The following LPAR3 variants were observed in gnomAD, a reference collection of about 807,000 sequenced individuals.
LPAR3 encodes LPA receptor 3.
A neutral mutation model predicts 17.8 loss-of-function variants in LPAR3; 7 were observed. That is an observed-to-expected ratio of 0.39 (90% CI 0.22 to 0.74). The LOEUF is 0.74. Ranked by LOEUF, LPAR3 falls within the 30% of genes least tolerant of loss-of-function variation. LPAR3 has a pLI of 0.40. For synonymous variants in LPAR3, 179 were observed against 179.9 expected, an observed-to-expected ratio of 0.99 and a Z score of 0.04; for missense variants, 391 against 453.4, an observed-to-expected ratio of 0.86 and a Z score of 1.25.
At chr1:84,891,268 GA>G (rs1342643322) in intron 1 of LPAR3, among the ~76,000 whole-genome samples, 1 of 151,916 alleles carries the variant, frequency 6.6e-6, no homozygotes, top group African/African-American at 2.4e-5. Flanking sequence ...TAAAGACAAA[GA>G]AAAAATTTTT....
chr1:84,855,650 A>G (rs1659802935), intron 2 of LPAR3, among the ~76,000 whole-genome samples: 4 of 152,236 alleles, frequency 2.6e-5, no homozygotes, highest in Non-Finnish European at 5.9e-5. Flanking sequence ...AGCTGAGTGC[A>G]TTTGGTGTAA....
chr1:84,848,722 G>C (rs1187430457), intron 2 of LPAR3, among the ~76,000 whole-genome samples: 1 of 152,098 alleles, frequency 6.6e-6, no homozygotes, highest in Non-Finnish European at 1.5e-5. Context: ...AGAGCCTCCA[G>C]AACAACCTGG....
At chr1:84,868,447 A>T (rs1660096402) in intron 1 of LPAR3, among the ~76,000 whole-genome samples, 1 of 152,194 alleles carries the variant, frequency 6.6e-6, no homozygotes, top group African/African-American at 2.4e-5. Flanking sequence ...GCAGCATATG[A>T]GAGTTAAATA....
intron 2 of LPAR3, among the ~76,000 whole-genome samples, chr1:84,824,405 T>C (rs1659112733): frequency 6.6e-6 from 1 of 152,184 alleles, no homozygotes; most frequent in African/African-American, 2.4e-5. Flanking sequence ...AGATATGACC[T>C]AGAATCTCTT....
chr1:84,853,878 C>T (rs1043094991), intron 2 of LPAR3, among the ~76,000 whole-genome samples: 1 of 152,250 alleles, frequency 6.6e-6, no homozygotes, highest in Non-Finnish European at 1.5e-5. Flanking sequence ...GGGCTGAAGA[C>T]TGGCCACAGG....
At chr1:84,873,986 C>T (rs184942616) in intron 1 of LPAR3, among the ~76,000 whole-genome samples, 1 of 152,288 alleles carries the variant, frequency 6.6e-6, no homozygotes, top group Non-Finnish European at 1.5e-5. Flanking sequence ...CTCCTGACCT[C>T]AAGTGATCTG....
intron 2 of LPAR3, among the ~76,000 whole-genome samples, chr1:84,816,788 C>A (rs1263478148): frequency 6.6e-6 from 1 of 152,164 alleles, no homozygotes; most frequent in Non-Finnish European, 1.5e-5. Flanking sequence ...TAGAGCAAGA[C>A]TCCATCTCCA....
chr1:84,867,442 C>T (rs972783509), intron 1 of LPAR3, among the ~76,000 whole-genome samples: 1 of 152,094 alleles, frequency 6.6e-6, no homozygotes, highest in African/African-American at 2.4e-5. Flanking sequence ...TAAAAGCCCC[C>T]AGATTTTAAA....
At chr1:84,887,926 GA>G in intron 1 of LPAR3, among the ~76,000 whole-genome samples, 1 of 152,262 alleles carries the variant, frequency 6.6e-6, no homozygotes, top group Non-Finnish European at 1.5e-5. Context: ...ACATTTGGGG[GA>G]TAACTGACGA....
At chr1:84,843,017 G>A (rs916644518) in intron 2 of LPAR3, among the ~76,000 whole-genome samples, 3 of 152,200 alleles carry the variant, frequency 2.0e-5, no homozygotes, top group Non-Finnish European at 2.9e-5. Flanking sequence ...CTTAAAAGAT[G>A]AGGTCTGAGA....
In LPAR3 at chr1:84,893,041, GC is replaced by G. The variant is rs1660582236; in HGVS notation, c.-45del. 1 of 152,062 alleles carries G rather than the reference GC, an allele frequency of 6.6e-6. No individual in the cohort carries two copies. Among genetic ancestry groups the G allele is most frequent in the African/African-American group, 2.4e-5 (1 of 41,442 alleles). 9.4% of individuals were successfully genotyped at this position (152,062 alleles called of 1,614,324 possible). A position where few individuals can be genotyped will look rare whatever the true frequency, so the allele number is the denominator to read the frequency against. On this transcript the variant is annotated 5_prime_UTR_variant, in exon 1 of 3. An upstream open reading frame in the 5' UTR gains an earlier in-frame stop. Transcript: ENST00000370611. ...CGCTCACGTTCACCCGCGCCGCCGA[GC>G]CCGGGAGCGGGGGCCCCTGCGGCTG... is the stretch of plus-strand genomic sequence containing the variant.
At chr1:84,816,265 TA>T (rs1658930299) in intron 2 of LPAR3, among the ~76,000 whole-genome samples, 1 of 152,226 alleles carries the variant, frequency 6.6e-6, no homozygotes, top group South Asian at 2.1e-4. Context: ...TACCACCCGA[TA>T]ATTGTGTCTG....
chr1:84,877,399 A>G (rs1660279619), intron 1 of LPAR3, among the ~76,000 whole-genome samples: 1 of 152,170 alleles, frequency 6.6e-6, no homozygotes, highest in African/African-American at 2.4e-5. Context: ...AACTACTATC[A>G]CGGCAGATGA....
chr1:84,888,438 G>A (rs1660498297), intron 1 of LPAR3, among the ~76,000 whole-genome samples: 1 of 152,108 alleles, frequency 6.6e-6, no homozygotes, highest in African/African-American at 2.4e-5. Flanking sequence ...CCTTGCTTTG[G>A]TTTTCTATAA....
chr1:84,886,305 G>A (rs1660460114), intron 1 of LPAR3, among the ~76,000 whole-genome samples: 1 of 152,142 alleles, frequency 6.6e-6, no homozygotes, highest in East Asian at 1.9e-4. Context: ...GCAGGAGGAT[G>A]ATTCAAGGCT....
intron 2 of LPAR3, among the ~76,000 whole-genome samples, chr1:84,817,126 T>C (rs1282374362): frequency 2.0e-5 from 3 of 152,220 alleles, no homozygotes; most frequent in Non-Finnish European, 4.4e-5. Flanking sequence ...AACTCTTCTT[T>C]GAACCCTGCT....
intron 1 of LPAR3, among the ~76,000 whole-genome samples, chr1:84,872,636 A>T (rs1660177041): frequency 6.6e-6 from 1 of 152,232 alleles, no homozygotes; most frequent in Non-Finnish European, 1.5e-5. Flanking sequence ...AAATGGAAAG[A>T]TGAGACAAAT....
At chr1:84,822,804 T>A (rs1659083355) in intron 2 of LPAR3, among the ~76,000 whole-genome samples, 1 of 152,214 alleles carries the variant, frequency 6.6e-6, no homozygotes, top group African/African-American at 2.4e-5. Context: ...TGCAGCCATA[T>A]TTCCATCTGT....
At chr1:84,819,565 G>A (rs976881410) in intron 2 of LPAR3, among the ~76,000 whole-genome samples, 12 of 152,110 alleles carry the variant, frequency 7.9e-5, no homozygotes, top group Admixed American at 2.0e-4. Context: ...AATTATAGAT[G>A]CCATATAGAC....
Sources: allele counts gnomAD v4.1 joint callset (sites outside exome capture counted in the v4.1 genomes callset), GRCh38; gene constraint gnomAD v4.1.1; transcripts MANE v1.5; gene names NCBI Gene and HGNC (gene_info 2026-07-23, HGNC 2026-07-21).